Variants in TENM4 observed in about 807,000 individuals in gnomAD.
TENM4 encodes the protein teneurin transmembrane protein 4, also known as teneurin-4.
TENM4 carries 82 observed loss-of-function variants against 243.3 expected under a neutral mutation model. That is an observed-to-expected ratio of 0.34 (90% CI 0.28 to 0.40). The LOEUF is 0.40. Among genes scored for constraint, TENM4 ranks in the 10% least tolerant of loss-of-function variants. The pLI is 1.00. For missense variants in TENM4, 3,138 were observed against 3,673.3 expected, an observed-to-expected ratio of 0.85 and a Z score of 3.77; for synonymous variants, 1,412 against 1,456.3, an observed-to-expected ratio of 0.97 and a Z score of 0.69.
At chr11:79,039,154 T>C (rs1859456906) in intron 6 of TENM4, among the ~76,000 whole-genome samples, 1 of 151,928 alleles carries the variant, frequency 6.6e-6, no homozygotes, top group African/African-American at 2.4e-5. Flanking sequence ...TTAAGCCCTG[T>C]CCCCTTTGCC....
At chr11:79,431,630 A>G (rs1859170566) in intron 1 of TENM4, among the ~76,000 whole-genome samples, 1 of 152,242 alleles carries the variant, frequency 6.6e-6, no homozygotes, top group South Asian at 2.1e-4. Context: ...CCTTAAAAAT[A>G]ATCTCAGCTA....
chr11:78,933,966 G>A (rs1037707347), intron 6 of TENM4, among the ~76,000 whole-genome samples: 3 of 152,144 alleles, frequency 2.0e-5, no homozygotes, highest in African/African-American at 7.2e-5. Flanking sequence ...GGGACAAGAG[G>A]ACAATTTCTC....
intron 6 of TENM4, among the ~76,000 whole-genome samples, chr11:78,909,773 A>C (rs893868843): frequency 6.6e-6 from 1 of 152,226 alleles, no homozygotes; most frequent in African/African-American, 2.4e-5. Context: ...CCAGCTGGGG[A>C]CAGTTTTATA....
chr11:78,866,458 T>TAA (rs5792824), intron 9 of TENM4, among the ~76,000 whole-genome samples: 62 of 130,622 alleles, frequency 4.7e-4, no homozygotes, highest in African/African-American at 1.6e-3. Context: ...AGTCCTTGCT[T>TAA]AAAAAAAAAA....
intron 6 of TENM4, among the ~76,000 whole-genome samples, chr11:79,028,100 G>T (rs1859127656): frequency 6.6e-6 from 1 of 152,158 alleles, no homozygotes; most frequent in Non-Finnish European, 1.5e-5. Flanking sequence ...GTGACCCTTG[G>T]CAAGTTGCTT....
chr11:78,805,281 C>CACCCAA lies in TENM4; in HGVS notation c.2179+10_2179+11insTTGGGT. ...TCCCTCTACCCATGCTTCTTCTCCC[C>CACCCAA]CTGCATTTACCGATAGAACAGTCGT... is the stretch of plus-strand genomic sequence containing the variant. On this transcript the variant is annotated intron_variant, in intron 15 of 33. Coordinates refer to ENST00000278550, the MANE Select transcript of TENM4 (RefSeq NM_001098816.3). 137 of 1,487,934 alleles carry CACCCAA rather than the reference C, an allele frequency of 9.2e-5. No homozygotes were observed. The highest frequency in any genetic ancestry group is 1.1e-4 in the Non-Finnish European group (123 of 1,097,318). 92.2% of individuals were successfully genotyped at this position (1,487,934 alleles called of 1,614,324 possible).
At chr11:78,970,608 A>G (rs1256896983) in intron 6 of TENM4, among the ~76,000 whole-genome samples, 5 of 152,200 alleles carry the variant, frequency 3.3e-5, no homozygotes, top group Non-Finnish European at 7.3e-5. Context: ...AGGTCAACAA[A>G]GCAGTCCAAG....
chr11:78,824,401 A>G (rs965638201), intron 12 of TENM4, among the ~76,000 whole-genome samples: 2 of 152,086 alleles, frequency 1.3e-5, no homozygotes, highest in African/African-American at 4.8e-5. Flanking sequence ...AGAACTCACT[A>G]TCATGAGGAC....
At chr11:79,298,079 T>C (rs1856486093) in intron 1 of TENM4, among the ~76,000 whole-genome samples, 2 of 152,146 alleles carry the variant, frequency 1.3e-5, no homozygotes, top group Non-Finnish European at 2.9e-5. Context: ...TTGCCCTTAT[T>C]AACTCATTTT....
chr11:79,129,525 G>C (rs1046486095), intron 4 of TENM4, among the ~76,000 whole-genome samples: 4 of 152,166 alleles, frequency 2.6e-5, no homozygotes, highest in Admixed American at 6.5e-5. Flanking sequence ...ACTCGGTGCT[G>C]TTTGTTGGGG....
At chr11:79,084,704 G>A (rs1229698572) in intron 4 of TENM4, among the ~76,000 whole-genome samples, 2 of 151,472 alleles carry the variant, frequency 1.3e-5, no homozygotes, top group Admixed American at 6.6e-5. Flanking sequence ...TAGGGGGTTA[G>A]GGATGGGGTA....
At chr11:78,765,345 G>A (rs1233344402) in intron 18 of TENM4, among the ~76,000 whole-genome samples, 1 of 152,162 alleles carries the variant, frequency 6.6e-6, no homozygotes, top group Non-Finnish European at 1.5e-5. Flanking sequence ...GAGAAATGTG[G>A]TTTAGAGATA....
intron 4 of TENM4, among the ~76,000 whole-genome samples, chr11:79,081,105 G>C (rs564787886): frequency 6.6e-6 from 1 of 152,282 alleles, no homozygotes; most frequent in Admixed American, 6.5e-5. Flanking sequence ...GTGAAACTTA[G>C]TTTTAACACA....
intron 6 of TENM4, among the ~76,000 whole-genome samples, chr11:79,001,374 G>A (rs1366086658): frequency 1.3e-5 from 2 of 152,082 alleles, no homozygotes; most frequent in East Asian, 3.9e-4. Context: ...TGGGGCTACT[G>A]AGCACCAGCC....
At chr11:79,104,733 C>A (rs1861320429) in intron 4 of TENM4, among the ~76,000 whole-genome samples, 1 of 152,194 alleles carries the variant, frequency 6.6e-6, no homozygotes, top group African/African-American at 2.4e-5. Context: ...ATTAGTGGGT[C>A]AAAGAGTATG....
At chr11:78,815,345 T>G (rs929344696) in intron 12 of TENM4, among the ~76,000 whole-genome samples, 5 of 151,898 alleles carry the variant, frequency 3.3e-5, no homozygotes, top group African/African-American at 1.2e-4. Flanking sequence ...GAGATTGCAC[T>G]ATTACACTCT....
intron 12 of TENM4, among the ~76,000 whole-genome samples, chr11:78,836,728 A>G (rs996226404): frequency 1.3e-5 from 2 of 152,194 alleles, no homozygotes; most frequent in Non-Finnish European, 2.9e-5. Context: ...CTAGGCCTTC[A>G]AGATCTAGAG....
At chr11:78,832,219 C>G (rs113708811) in intron 12 of TENM4, among the ~76,000 whole-genome samples, 1 of 152,190 alleles carries the variant, frequency 6.6e-6, no homozygotes, top group Admixed American at 6.5e-5. Context: ...CAAATCCTTC[C>G]GGGCCTTCTT....
At position 78,722,792 on chromosome 11, in the gene TENM4, C is replaced by T. The variant is rs776760211; in HGVS notation, c.3676G>A (p.Gly1226Ser). 43 of 1,613,944 alleles carry T rather than the reference C, an allele frequency of 2.7e-5. No homozygotes were observed. Among genetic ancestry groups the T allele is most frequent in the Middle Eastern group, 1.6e-4 (1 of 6,084 alleles). Residue 1226 changes from glycine to serine, a missense_variant, in exon 24 of 34, where the codon GGC becomes AGC. Transcript: ENST00000278550. ...SCPSCNGLADGNKLLAPVALT... is the reference protein window; with the variant it reads ...SCPSCNGLADSNKLLAPVALT... The stretch of plus-strand genomic sequence containing the variant: ...GCCACTGGGGCCAGGAGCTTGTTGC[C>T]GTCAGCAAGGCCGTTGCAGCTGGGG...
Sources: allele counts gnomAD v4.1 joint callset (sites outside exome capture counted in the v4.1 genomes callset), GRCh38; gene constraint gnomAD v4.1.1; transcripts MANE v1.5; gene names NCBI Gene and HGNC (gene_info 2026-07-23, HGNC 2026-07-21).